SDK1: variants seen among roughly 807,000 people sequenced by gnomAD.
SDK1 encodes protein sidekick-1.
A neutral mutation model predicts 245.5 loss-of-function variants in SDK1; 157 were observed. The observed-to-expected ratio is 0.64, with a 90% CI of 0.56 to 0.73. The LOEUF is 0.73. SDK1 is among the 30% of genes least tolerant of loss of function. The probability of loss-of-function intolerance (pLI) is 0.00; values close to 1 mark genes in which losing one functional copy is unlikely to be tolerated. For missense variants in SDK1, 3,583 were observed against 3,002.3 expected (o/e 1.19, Z -4.52); for synonymous variants, 1,647 against 1,278.5 (o/e 1.29, Z -6.15).
intron 28 of SDK1, 82 bp from the exon 29 acceptor site, chr7:4,145,640 T>G: frequency 8.1e-7 from 1 of 1,239,592 alleles, no homozygotes; most frequent in Non-Finnish European, 1.1e-6. Context: ...CTTCCAGGGG[T>G]CAGCACAGGG....
At chr7:3,675,657 T>C (rs1171329042) in intron 4 of SDK1, among the ~76,000 whole-genome samples, 1 of 152,112 alleles carries the variant, frequency 6.6e-6, no homozygotes. Context: ...CACTGCGGCC[T>C]GGAACTCCCG....
intron 16 of SDK1, among the ~76,000 whole-genome samples, chr7:4,012,661 C>T (rs1786084279): frequency 7.2e-6 from 1 of 138,906 alleles, no homozygotes; most frequent in Non-Finnish European, 1.5e-5. Context: ...GCAACTTCCG[C>T]TGCCTGGGTT....
At chr7:3,444,622 G>T (rs915028682) in intron 1 of SDK1, among the ~76,000 whole-genome samples, 2 of 152,014 alleles carry the variant, frequency 1.3e-5, no homozygotes, top group Non-Finnish European at 1.5e-5. Context: ...GCCTTAGATG[G>T]CCCCACCTCT....
At chr7:3,770,321 G>A (rs942977373) in intron 4 of SDK1, among the ~76,000 whole-genome samples, 8 of 152,018 alleles carry the variant, frequency 5.3e-5, no homozygotes, top group Non-Finnish European at 4.4e-5. Flanking sequence ...CTAAGTAATG[G>A]GTCATGGTAT....
chr7:3,852,750 CAAA>C (rs35116493), intron 5 of SDK1, among the ~76,000 whole-genome samples: 4 of 28,156 alleles, frequency 1.4e-4, no homozygotes, highest in South Asian at 1.4e-3. Context: ...GACTCCGTCT[CAAA>C]AAAAAAAAAA....
In SDK1 at chr7:4,074,914, A is replaced by T. The variant is rs1278749460; in HGVS notation, c.3011-2084A>T. 5.8e-3 allele frequency among the ~76,000 whole-genome samples: 448 copies of T among 77,024 alleles called. 17 individuals are homozygous for T. The highest frequency in any genetic ancestry group is 0.029 in the African/African-American group (285 of 9,772). The allele number at this position is 77,024 out of a possible 152,430, so 50.5% of individuals were successfully genotyped here. A position where few individuals can be genotyped will look rare whatever the true frequency, so the allele number is the denominator to read the frequency against. ...TATATATATATATATATATATATAT[A>T]TATTTTTTTTTTTTTTTAATAAAGT... On this transcript the variant is annotated intron_variant, in intron 20 of 44. Coordinates refer to ENST00000404826, the MANE Select transcript of SDK1 (RefSeq NM_152744.4).
At chr7:4,150,670 GC>G (rs1456445111) in intron 30 of SDK1, among the ~76,000 whole-genome samples, 9 of 152,248 alleles carry the variant, frequency 5.9e-5, no homozygotes, top group African/African-American at 2.2e-4. Context: ...CCCAGGTGAA[GC>G]CCCTGGCAGC....
At chr7:3,623,249 T>C (rs1038827082) in intron 2 of SDK1, among the ~76,000 whole-genome samples, 10 of 147,686 alleles carry the variant, frequency 6.8e-5, no homozygotes, top group South Asian at 2.2e-4. Flanking sequence ...GTATTTCTTT[T>C]TTTTTTTTTT....
chr7:3,480,140 T>C (rs116207891), intron 1 of SDK1, among the ~76,000 whole-genome samples: 356 of 152,302 alleles, frequency 2.3e-3, no homozygotes, highest in African/African-American at 8.2e-3. Context: ...TAATCTTGGA[T>C]TATCCAGGTG....
intron 1 of SDK1, among the ~76,000 whole-genome samples, chr7:3,457,030 G>T (rs949303137): frequency 6.6e-6 from 1 of 152,136 alleles, no homozygotes; most frequent in Admixed American, 6.6e-5. Context: ...CCGCAGTCCT[G>T]GCTGCCTGGG....
intron 35 of SDK1, among the ~76,000 whole-genome samples, chr7:4,188,425 T>A (rs1783010418): frequency 6.6e-6 from 1 of 152,224 alleles, no homozygotes; most frequent in South Asian, 2.1e-4. Flanking sequence ...TTCTCAAGCC[T>A]GGTCTCCATT....
intron 5 of SDK1, among the ~76,000 whole-genome samples, chr7:3,829,577 C>G (rs1488401321): frequency 6.6e-6 from 1 of 152,092 alleles, no homozygotes; most frequent in East Asian, 1.9e-4. Flanking sequence ...CTCCCAAAAC[C>G]CTCGTTTCTC....
chr7:4,040,579 C>G (rs1479349273), intron 17 of SDK1, among the ~76,000 whole-genome samples: 1 of 152,048 alleles, frequency 6.6e-6, no homozygotes, highest in Non-Finnish European at 1.5e-5. Context: ...TTTTTCCAGT[C>G]CGCCACAAAA....
intron 4 of SDK1, among the ~76,000 whole-genome samples, chr7:3,819,023 TTTC>T (rs1192741200): frequency 6.6e-6 from 1 of 152,214 alleles, no homozygotes; most frequent in Non-Finnish European, 1.5e-5. Flanking sequence ...TAAATATGGT[TTTC>T]TTCTTAAGGT....
chr7:4,203,473 A>C (rs751286831), intron 35 of SDK1, among the ~76,000 whole-genome samples: 1 of 152,130 alleles, frequency 6.6e-6, no homozygotes, highest in Non-Finnish European at 1.5e-5. Flanking sequence ...CCCTAGCAGC[A>C]GACGCCAGCA....
chr7:3,831,371 G>A (rs1030542287), intron 5 of SDK1, among the ~76,000 whole-genome samples: 5 of 152,182 alleles, frequency 3.3e-5, no homozygotes, highest in African/African-American at 4.8e-5. Context: ...TTCCTTTTAC[G>A]AATGAGTTCA....
intron 1 of SDK1, among the ~76,000 whole-genome samples, chr7:3,378,515 C>A (rs893966775): frequency 9.2e-5 from 14 of 152,138 alleles, no homozygotes; most frequent in African/African-American, 3.4e-4. Flanking sequence ...TGTACACATA[C>A]ACATGAGGAA....
At chr7:3,571,582 G>T (rs187828975) in intron 1 of SDK1, among the ~76,000 whole-genome samples, 2 of 152,088 alleles carry the variant, frequency 1.3e-5, no homozygotes, top group Non-Finnish European at 2.9e-5. Context: ...GAGATTACAG[G>T]TGTGAGCCAC....
chr7:3,944,477 G>A (rs1780498604), intron 5 of SDK1, among the ~76,000 whole-genome samples: 1 of 152,196 alleles, frequency 6.6e-6, no homozygotes, highest in African/African-American at 2.4e-5. Context: ...AATAGTAGCG[G>A]TGGCTCTTAA....
Sources: gnomAD v4.1 joint callset for allele counts (sites outside exome capture counted in the v4.1 genomes callset) on GRCh38, gnomAD v4.1.1 for gene constraint, MANE v1.5 for transcripts, NCBI Gene and HGNC (gene_info 2026-07-23, HGNC 2026-07-21) for gene names.